RBFOX1: variants seen among roughly 807,000 people sequenced by gnomAD.
The protein encoded by RBFOX1 is RNA binding fox-1 homolog 1, also known as RNA binding protein fox-1 homolog 1.
RBFOX1 carries 8 observed loss-of-function variants against 57.7 expected under a neutral mutation model. The observed-to-expected ratio is 0.14, with a 90% CI of 0.08 to 0.25. The LOEUF (loss-of-function observed/expected upper bound fraction) is 0.25, where lower values mean the gene tolerates loss of function less well. RBFOX1 is among the 10% of genes least tolerant of loss of function. RBFOX1 has a pLI of 1.00. For missense variants in RBFOX1, 611 were observed against 548.5 expected, an observed-to-expected ratio of 1.11 and a Z score of -1.14; for synonymous variants, 326 against 222.4, an observed-to-expected ratio of 1.47 and a Z score of -4.15.
rs1280620723 is a variant in RBFOX1 at position 5,260,256 on chromosome 16, A to C, written c.219+20151A>C. 7.9e-5 allele frequency among the ~76,000 whole-genome samples: 12 copies of C among 152,180 alleles called. 1 individual carries two copies. Among genetic ancestry groups the C allele is most frequent in the African/African-American group, 1.2e-4 (5 of 41,452 alleles). ...AAGGACATTGGTGACATAGTCTCAA[A>C]AAAATTAATGAATACAGAAAAGTAC... is the stretch of plus-strand genomic sequence containing the variant. On this transcript the variant is annotated intron_variant, in intron 1 of 2. Transcript: ENST00000585867.
chr16:5,265,539 AT>A (rs1458214073), intron 1 of RBFOX1, among the ~76,000 whole-genome samples: 2 of 152,220 alleles, frequency 1.3e-5, no homozygotes, highest in East Asian at 1.9e-4. Flanking sequence ...ATTAGATTAT[AT>A]TTTTCTCCAG....
At chr16:5,894,714 A>T (rs1195904962) in intron 4 of RBFOX1, among the ~76,000 whole-genome samples, 1 of 152,208 alleles carries the variant, frequency 6.6e-6, no homozygotes, top group African/African-American at 2.4e-5. Flanking sequence ...CACAGCAAGA[A>T]GAAGAAACAG....
chr16:5,758,819 A>G (rs1300426014), intron 3 of RBFOX1, among the ~76,000 whole-genome samples: 1 of 152,148 alleles, frequency 6.6e-6, no homozygotes, highest in Non-Finnish European at 1.5e-5. Context: ...TAGGGAATGT[A>G]TGCTCCCCTA....
At chr16:6,678,623 C>A (rs2058135882) in intron 3 of RBFOX1, among the ~76,000 whole-genome samples, 1 of 151,000 alleles carries the variant, frequency 6.6e-6, no homozygotes, top group Non-Finnish European at 1.5e-5. Flanking sequence ...TAGATTTTTC[C>A]TTTTTGCTTT....
At chr16:6,297,923 C>T (rs950248822) in intron 1 of RBFOX1, among the ~76,000 whole-genome samples, 1 of 152,184 alleles carries the variant, frequency 6.6e-6, no homozygotes, top group African/African-American at 2.4e-5. Flanking sequence ...GAGCCACCTC[C>T]ACCGCTCAAT....
chr16:7,009,207 T>C (rs75768382), intron 3 of RBFOX1, among the ~76,000 whole-genome samples: 4,461 of 124,834 alleles, frequency 0.036, 488 homozygotes, highest in African/African-American at 0.14. Context: ...CCTTTCCCTC[T>C]TTCTCTCTGT....
At chr16:5,782,787 A>T in intron 3 of RBFOX1, among the ~76,000 whole-genome samples, 1 of 152,198 alleles carries the variant, frequency 6.6e-6, no homozygotes, top group Non-Finnish European at 1.5e-5. Context: ...AATTCAGCCT[A>T]AGTCAAAAGA....
At chr16:7,090,106 A>T (rs965175244) in intron 4 of RBFOX1, among the ~76,000 whole-genome samples, 3 of 152,160 alleles carry the variant, frequency 2.0e-5, no homozygotes, top group Non-Finnish European at 4.4e-5. Flanking sequence ...AATGTGGTTG[A>T]TATCTCTGTT....
chr16:5,786,776 C>T (rs2054515376), intron 3 of RBFOX1, among the ~76,000 whole-genome samples: 1 of 152,096 alleles, frequency 6.6e-6, no homozygotes, highest in South Asian at 2.1e-4. Context: ...AATGAGATGA[C>T]AGTGAGAAAT....
chr16:5,792,466 C>G (rs1450063523), intron 3 of RBFOX1, among the ~76,000 whole-genome samples: 1 of 152,184 alleles, frequency 6.6e-6, no homozygotes, highest in African/African-American at 2.4e-5. Context: ...AACATAAACA[C>G]TCACTGAACG....
chr16:6,407,014 C>A (rs1287545834), intron 2 of RBFOX1, among the ~76,000 whole-genome samples: 1 of 152,098 alleles, frequency 6.6e-6, no homozygotes, highest in African/African-American at 2.4e-5. Flanking sequence ...ATGAGATAAA[C>A]TCTTTTGAAA....
chr16:5,337,530 T>C (rs180904026), intron 1 of RBFOX1, among the ~76,000 whole-genome samples: 72 of 152,352 alleles, frequency 4.7e-4, no homozygotes, highest in Admixed American at 9.8e-4. Flanking sequence ...CTGTCAGTTT[T>C]CTTGTATTCC....
rs1392652544 is a variant in RBFOX1 at position 7,263,851 on chromosome 16, G to C, written c.27+211753G>C. Among the ~76,000 whole-genome samples the C allele has an allele frequency of 2.0e-5, 3 of 150,666 alleles. No homozygotes were observed. In the South Asian group the frequency reaches 6.3e-4, roughly 32 times the overall value. Reference sequence around the variant, plus strand: ...GAAGGCGGAGGTTGTGGTGAGCTGAGATTGCACCATTGCACTCCAGCCTGG... The same window carrying C: ...GAAGGCGGAGGTTGTGGTGAGCTGACATTGCACCATTGCACTCCAGCCTGG... On this transcript the variant is annotated intron_variant, in intron 4 of 15. Transcript: ENST00000550418.
intron 3 of RBFOX1, among the ~76,000 whole-genome samples, chr16:6,801,199 C>G (rs1055100497): frequency 1.1e-5 from 1 of 91,582 alleles, no homozygotes; most frequent in South Asian, 3.4e-4. Context: ...ATTGAACATG[C>G]AAAAAAAAAA....
chr16:5,446,786 T>C (rs2068253122), intron 1 of RBFOX1, among the ~76,000 whole-genome samples: 1 of 152,174 alleles, frequency 6.6e-6, no homozygotes, highest in African/African-American at 2.4e-5. Flanking sequence ...AAGATGACAG[T>C]CTAGTTCTCA....
chr16:6,285,053 C>T (rs563663630), intron 1 of RBFOX1, among the ~76,000 whole-genome samples: 2 of 152,136 alleles, frequency 1.3e-5, no homozygotes, highest in East Asian at 1.9e-4. Context: ...GCAAGGAAAT[C>T]GCAGGAATGT....
At chr16:7,439,949 CTTTTTTT>C (rs144449326) in intron 4 of RBFOX1, among the ~76,000 whole-genome samples, 2 of 94,046 alleles carry the variant, frequency 2.1e-5, no homozygotes, top group African/African-American at 3.2e-5. Context: ...TCTTTTCTTT[CTTTTTTT>C]TTTTTTTTTT....
intron 1 of RBFOX1, among the ~76,000 whole-genome samples, chr16:5,295,842 G>C (rs1329756014): frequency 6.6e-6 from 1 of 152,144 alleles, no homozygotes; most frequent in Non-Finnish European, 1.5e-5. Context: ...AGGATGGGAG[G>C]CATCTGGTTG....
chr16:5,822,414 C>G (rs766791823), intron 3 of RBFOX1, among the ~76,000 whole-genome samples: 2 of 151,960 alleles, frequency 1.3e-5, no homozygotes, highest in Admixed American at 1.3e-4. Flanking sequence ...ACCACCTGTA[C>G]CCCAATAGCT....
Sources: gnomAD v4.1 joint callset for allele counts (sites outside exome capture counted in the v4.1 genomes callset) on GRCh38, gnomAD v4.1.1 for gene constraint, MANE v1.5 for transcripts, NCBI Gene and HGNC (gene_info 2026-07-23, HGNC 2026-07-21) for gene names.